Variants in SGCZ observed in about 807,000 individuals in gnomAD.
SGCZ encodes the protein zeta-sarcoglycan.
A neutral mutation model predicts 41.3 loss-of-function variants in SGCZ; 40 were observed. That is an observed-to-expected ratio of 0.97 (90% CI 0.75 to 1.26). The LOEUF (loss-of-function observed/expected upper bound fraction) is 1.26. Ranked by LOEUF, SGCZ falls within the 50% of genes most tolerant of loss-of-function variation. The pLI is 0.00. For synonymous variants in SGCZ, 206 were observed against 137.5 expected (o/e 1.50, Z -3.49); for missense variants, 552 against 369.8 (o/e 1.49, Z -4.04).
At chr8:14,670,420 A>G (rs963806308) in intron 1 of SGCZ, among the ~76,000 whole-genome samples, 2 of 152,126 alleles carry the variant, frequency 1.3e-5, no homozygotes, top group Non-Finnish European at 2.9e-5. Context: ...AGTCTCCCAA[A>G]TTGGTATGTT....
chr8:14,866,151 G>T (rs1187221609), intron 1 of SGCZ, among the ~76,000 whole-genome samples: 2 of 152,012 alleles, frequency 1.3e-5, no homozygotes. Flanking sequence ...TAGGCAAAAA[G>T]CAATAACAAG....
At chr8:14,314,456 A>G (rs1801650571) in intron 3 of SGCZ, among the ~76,000 whole-genome samples, 1 of 152,184 alleles carries the variant, frequency 6.6e-6, no homozygotes, top group Admixed American at 6.6e-5. Flanking sequence ...ATGAATCAGC[A>G]TTGAAAATCT....
chr8:14,680,959 A>G (rs1216983175), intron 1 of SGCZ, among the ~76,000 whole-genome samples: 1 of 93,982 alleles, frequency 1.1e-5, no homozygotes, highest in African/African-American at 3.6e-5. Flanking sequence ...GAGGAAAAAG[A>G]GTGGGAAAAA....
chr8:14,216,833 T>C (rs919317949), intron 4 of SGCZ, among the ~76,000 whole-genome samples: 7 of 152,184 alleles, frequency 4.6e-5, no homozygotes, highest in African/African-American at 1.7e-4. Flanking sequence ...TGCAGCACTC[T>C]GAGTCATGTA....
intron 1 of SGCZ, among the ~76,000 whole-genome samples, chr8:14,693,284 A>G (rs1275897075): frequency 1.5e-5 from 2 of 131,786 alleles, no homozygotes; most frequent in Non-Finnish European, 3.1e-5. Context: ...AAAAAGATTA[A>G]TTGAATACCT....
At chr8:14,801,620 T>C (rs1339008582) in intron 1 of SGCZ, among the ~76,000 whole-genome samples, 1 of 152,130 alleles carries the variant, frequency 6.6e-6, no homozygotes, top group East Asian at 1.9e-4. Context: ...CCATATAGAA[T>C]GGCAAAAATA....
intron 1 of SGCZ, among the ~76,000 whole-genome samples, chr8:15,153,015 A>G (rs999010712): frequency 6.6e-6 from 1 of 152,204 alleles, no homozygotes; most frequent in African/African-American, 2.4e-5. Context: ...AAACTGTCCA[A>G]TGGTACAAAG....
intron 1 of SGCZ, among the ~76,000 whole-genome samples, chr8:15,004,054 A>C (rs1234456223): frequency 1.3e-5 from 2 of 152,092 alleles, no homozygotes; most frequent in South Asian, 4.1e-4. Context: ...ATCACCCAAA[A>C]TGTGCATGCT....
intron 5 of SGCZ, among the ~76,000 whole-genome samples, chr8:14,134,480 C>A (rs544599815): frequency 3.9e-5 from 6 of 152,140 alleles, no homozygotes; most frequent in Non-Finnish European, 8.8e-5. Flanking sequence ...ATGTGTCATT[C>A]AAATTAACTG....
chr8:14,666,406 A>G (rs1435722759), intron 1 of SGCZ, among the ~76,000 whole-genome samples: 1 of 152,192 alleles, frequency 6.6e-6, no homozygotes, highest in Non-Finnish European at 1.5e-5. Flanking sequence ...TCATTTTATG[A>G]TGGTAATTGG....
At chr8:14,843,517 T>A (rs1802996974) in intron 1 of SGCZ, among the ~76,000 whole-genome samples, 1 of 152,150 alleles carries the variant, frequency 6.6e-6, no homozygotes, top group South Asian at 2.1e-4. Context: ...CATTTATCTG[T>A]GATAAACACT....
intron 1 of SGCZ, among the ~76,000 whole-genome samples, chr8:14,856,688 G>A (rs969128190): frequency 8.5e-5 from 13 of 152,150 alleles, no homozygotes; most frequent in African/African-American, 3.1e-4. Context: ...AATTAAATCA[G>A]AGTCACTGGG....
chr8:14,641,677 G>C (rs1373768146), intron 1 of SGCZ, among the ~76,000 whole-genome samples: 1 of 151,548 alleles, frequency 6.6e-6, no homozygotes, highest in Non-Finnish European at 1.5e-5. Flanking sequence ...ATGATTTTCT[G>C]TTGTTCCCTG....
At chr8:15,159,548 T>C (rs147809567) in intron 1 of SGCZ, among the ~76,000 whole-genome samples, 2 of 152,108 alleles carry the variant, frequency 1.3e-5, no homozygotes, top group South Asian at 2.1e-4. Flanking sequence ...CAGAGTTGAA[T>C]TGGAGGATAT....
chr8:15,048,359 G>T lies in SGCZ; in HGVS notation c.39+189226C>A, dbSNP rs769316323. On this transcript the variant is annotated intron_variant, in intron 1 of 7. Coordinates refer to ENST00000382080, the MANE Select transcript of SGCZ (RefSeq NM_139167.4). ...AGGAAGAAGAAGATGAAGAGAGGTTGGTTAATGGGCACAAAAATACAGTTA... is the reference window on the plus strand; with the variant it reads ...AGGAAGAAGAAGATGAAGAGAGGTTTGTTAATGGGCACAAAAATACAGTTA... Among the ~76,000 whole-genome samples, 4 of 151,890 alleles carry T rather than the reference G, an allele frequency of 2.6e-5. No homozygotes were observed. The East Asian group carries it at 7.7e-4, about 29-fold the overall frequency.
rs1304596599 is a variant in SGCZ, at chr8:14,620,294, T to G, written c.40-65368A>C. Among the ~76,000 whole-genome samples, 3 of 152,102 alleles carry G rather than the reference T, an allele frequency of 2.0e-5. No homozygotes were observed. The East Asian group carries it at 5.8e-4, about 29-fold the overall frequency. On this transcript the variant is annotated intron_variant, in intron 1 of 7. Coordinates refer to ENST00000382080, the MANE Select transcript of SGCZ (RefSeq NM_139167.4). ...ACCTTATACAAAAATTAATTCAAGA[T>G]GGATTAAAGACTTAAATGTTAGACC...
chr8:14,948,004 T>C (rs535275055), intron 1 of SGCZ, among the ~76,000 whole-genome samples: 157 of 152,300 alleles, frequency 1.0e-3, no homozygotes, highest in Middle Eastern at 0.01. Flanking sequence ...TTTGCATTGT[T>C]TGAAGAAGGC....
At chr8:14,638,033 A>G (rs995448245) in intron 1 of SGCZ, among the ~76,000 whole-genome samples, 1 of 151,670 alleles carries the variant, frequency 6.6e-6, no homozygotes, top group Non-Finnish European at 1.5e-5. Context: ...GTTATATTTC[A>G]TTGTAGTTTG....
intron 1 of SGCZ, among the ~76,000 whole-genome samples, chr8:14,995,219 A>C (rs181731476): frequency 1.8e-4 from 28 of 152,248 alleles, no homozygotes; most frequent in Admixed American, 1.8e-3. Flanking sequence ...CTGCTTTGGA[A>C]AGCTCACGCT....
Sources: allele counts gnomAD v4.1 joint callset (sites outside exome capture counted in the v4.1 genomes callset), GRCh38; gene constraint gnomAD v4.1.1; transcripts MANE v1.5; gene names NCBI Gene and HGNC (gene_info 2026-07-23, HGNC 2026-07-21).